Variants in KCNJ6 observed in about 807,000 individuals in gnomAD.
KCNJ6 encodes G protein-activated inward rectifier potassium channel 2.
Under a neutral mutation model 34.2 loss-of-function variants are expected in KCNJ6, and 9 were observed. The observed-to-expected ratio is 0.26, with a 90% CI of 0.16 to 0.46. The LOEUF is 0.46. Ranked by LOEUF, KCNJ6 falls within the 20% of genes least tolerant of loss-of-function variation. KCNJ6 has a pLI of 1.00. For synonymous variants in KCNJ6, 196 were observed against 207.1 expected (o/e 0.95, Z 0.46); for missense variants, 236 against 531.3 (o/e 0.44, Z 5.46).
At chr21:37,821,213 T>C (rs541446030) in intron 2 of KCNJ6, among the ~76,000 whole-genome samples, 1 of 152,292 alleles carries the variant, frequency 6.6e-6, no homozygotes, top group East Asian at 1.9e-4. Context: ...TTTAGGTGAA[T>C]TTCACATAAC....
chr21:37,728,698 G>GTATATA (rs57901753), intron 2 of KCNJ6, among the ~76,000 whole-genome samples: 1 of 150,208 alleles, frequency 6.7e-6, no homozygotes, highest in African/African-American at 2.5e-5. Flanking sequence ...GTGTGTGTGT[G>GTATATA]TATATATATA....
At chr21:37,838,036 G>A (rs2055460753) in intron 2 of KCNJ6, among the ~76,000 whole-genome samples, 1 of 152,104 alleles carries the variant, frequency 6.6e-6, no homozygotes, top group Admixed American at 6.5e-5. Context: ...ACGACTCTAA[G>A]GTCTGTTCTC....
intron 2 of KCNJ6, among the ~76,000 whole-genome samples, chr21:37,811,140 T>C (rs1322448545): frequency 1.3e-5 from 2 of 152,152 alleles, no homozygotes; most frequent in African/African-American, 2.4e-5. Context: ...AGGGAGCTTC[T>C]GGGTTGGTGA....
intron 2 of KCNJ6, among the ~76,000 whole-genome samples, chr21:37,750,049 T>C (rs73206039): frequency 0.16 from 24,436 of 152,108 alleles, 2,411 homozygotes; most frequent in South Asian, 0.27. Flanking sequence ...TAAAAAAAAA[T>C]GCTTGCTGCT....
chr21:37,837,890 G>A (rs2055459982), intron 2 of KCNJ6, among the ~76,000 whole-genome samples: 1 of 152,076 alleles, frequency 6.6e-6, no homozygotes, highest in African/African-American at 2.4e-5. Flanking sequence ...TTAGTCATGA[G>A]TTTAATTTAA....
intron 1 of KCNJ6, among the ~76,000 whole-genome samples, chr21:37,914,011 GT>G (rs2055880725): frequency 5.8e-5 from 7 of 121,562 alleles, no homozygotes; most frequent in African/African-American, 2.9e-4. Flanking sequence ...GGATCGGGGT[GT>G]GTGTGTGTGT....
At chr21:37,836,986 T>C (rs2055455078) in intron 2 of KCNJ6, among the ~76,000 whole-genome samples, 1 of 152,138 alleles carries the variant, frequency 6.6e-6, no homozygotes, top group African/African-American at 2.4e-5. Context: ...TTAGACCCCA[T>C]GGACCCTCTC....
chr21:37,889,508 G>A (rs1415497181), intron 1 of KCNJ6, among the ~76,000 whole-genome samples: 2 of 152,162 alleles, frequency 1.3e-5, no homozygotes, highest in Admixed American at 6.5e-5. Context: ...GGCTGACCCT[G>A]AGAAGAAGGT....
At chr21:37,807,584 T>G (rs972879104) in intron 2 of KCNJ6, among the ~76,000 whole-genome samples, 4 of 152,234 alleles carry the variant, frequency 2.6e-5, no homozygotes, top group Admixed American at 1.3e-4. Context: ...CAAATACCAT[T>G]GTGTTCCAAT....
chr21:37,634,511 C>T (rs1195217746), intron 3 of KCNJ6, among the ~76,000 whole-genome samples: 1 of 152,100 alleles, frequency 6.6e-6, no homozygotes, highest in Non-Finnish European at 1.5e-5. Flanking sequence ...TGAACTAGGA[C>T]AGCAGTATCA....
chr21:37,707,663 AAGGG>A (rs2054727029), intron 3 of KCNJ6, among the ~76,000 whole-genome samples: 3 of 1,148 alleles, frequency 2.6e-3, no homozygotes, highest in Non-Finnish European at 7.7e-3. Flanking sequence ...ACTGTGGAGC[AAGGG>A]CATGATTGAC....
chr21:37,894,026 C>T (rs1426026555), intron 1 of KCNJ6, among the ~76,000 whole-genome samples: 1 of 152,202 alleles, frequency 6.6e-6, no homozygotes, highest in Non-Finnish European at 1.5e-5. Flanking sequence ...ATAATCAAAA[C>T]CCTGTCACCC....
chr21:37,696,455 A>G (rs529405270), intron 3 of KCNJ6, among the ~76,000 whole-genome samples: 3 of 152,338 alleles, frequency 2.0e-5, no homozygotes, highest in Admixed American at 6.5e-5. Flanking sequence ...AAGAACATTA[A>G]AAACCTTAAG....
intron 3 of KCNJ6, among the ~76,000 whole-genome samples, chr21:37,673,043 T>G (rs759478850): frequency 4.6e-5 from 7 of 152,388 alleles, no homozygotes; most frequent in Admixed American, 2.0e-4. Context: ...CTTTTTACAT[T>G]ATTCTCAAAA....
At chr21:37,812,328 C>A (rs761441011) in intron 2 of KCNJ6, among the ~76,000 whole-genome samples, 2 of 152,050 alleles carry the variant, frequency 1.3e-5, no homozygotes, top group African/African-American at 4.8e-5. Context: ...TTCTTGAATC[C>A]TAGAGAGTCC....
intron 3 of KCNJ6, among the ~76,000 whole-genome samples, chr21:37,709,371 C>T (rs1026183493): frequency 6.6e-6 from 1 of 151,968 alleles, no homozygotes; most frequent in Admixed American, 6.6e-5. Flanking sequence ...ATTAGCCGGG[C>T]GCGGTGGTGG....
intron 3 of KCNJ6, among the ~76,000 whole-genome samples, chr21:37,665,703 C>T (rs182107005): frequency 1.7e-3 from 253 of 152,302 alleles, no homozygotes; most frequent in Non-Finnish European, 2.9e-3. Context: ...AGTGTCTGCT[C>T]GCTGACATCA....
chr21:37,704,170 G>A (rs1364296313), intron 3 of KCNJ6, among the ~76,000 whole-genome samples: 1 of 152,234 alleles, frequency 6.6e-6, no homozygotes, highest in Admixed American at 6.5e-5. Context: ...TTCTGCTGGA[G>A]GGACCAGGAA....
At chr21:37,828,143 G>A (rs1294186931) in intron 2 of KCNJ6, among the ~76,000 whole-genome samples, 2 of 152,314 alleles carry the variant, frequency 1.3e-5, no homozygotes, top group East Asian at 1.9e-4. Context: ...GAGAAATTCT[G>A]AGTCAATATT....
Sources: gnomAD v4.1 joint callset for allele counts (sites outside exome capture counted in the v4.1 genomes callset) on GRCh38, gnomAD v4.1.1 for gene constraint, MANE v1.5 for transcripts, NCBI Gene and HGNC (gene_info 2026-07-23, HGNC 2026-07-21) for gene names.